PTPRT: variants seen among roughly 807,000 people sequenced by gnomAD.
PTPRT encodes protein tyrosine phosphatase receptor type T, also known as receptor-type tyrosine-protein phosphatase T.
PTPRT carries 56 observed loss-of-function variants against 176.8 expected under a neutral mutation model. The observed-to-expected ratio is 0.32, with a 90% CI of 0.26 to 0.40. The LOEUF (loss-of-function observed/expected upper bound fraction) is 0.40, where lower values mean the gene tolerates loss of function less well. Ranked by LOEUF, PTPRT falls within the 10% of genes least tolerant of loss-of-function variation. PTPRT has a pLI of 1.00. For synonymous variants in PTPRT, 783 were observed against 739.0 expected, an observed-to-expected ratio of 1.06 and a Z score of -0.96; for missense variants, 1,540 against 1,908.2, an observed-to-expected ratio of 0.81 and a Z score of 3.60.
At chr20:42,363,090 CAAGACTCCATTTCAGAA>C in intron 9 of PTPRT, among the ~76,000 whole-genome samples, 1 of 91,910 alleles carries the variant, frequency 1.1e-5, no homozygotes, top group Non-Finnish European at 1.9e-5. Flanking sequence ...GGCGACAGAG[CAAGACTCCATTTCAGAA>C]AAAAAAAAAA....
At chr20:42,647,282 C>G (rs2074928150) in intron 7 of PTPRT, among the ~76,000 whole-genome samples, 1 of 152,044 alleles carries the variant, frequency 6.6e-6, no homozygotes, top group African/African-American at 2.4e-5. Context: ...GTGTGGGCTA[C>G]TAAGACACAG....
chr20:42,422,409 C>A (rs191296783), intron 9 of PTPRT, among the ~76,000 whole-genome samples: 1 of 152,254 alleles, frequency 6.6e-6, no homozygotes, highest in Non-Finnish European at 1.5e-5. Context: ...AGACACTTTT[C>A]AAAAGAAGAC....
intron 15 of PTPRT, among the ~76,000 whole-genome samples, chr20:42,210,805 C>T (rs921485107): frequency 5.7e-4 from 86 of 152,154 alleles, no homozygotes; most frequent in Non-Finnish European, 2.9e-4. Flanking sequence ...CTTTAAAATT[C>T]ATATGGAACC....
At chr20:42,071,179 C>A (rs1391387975), downstream of PTPRT, among the ~76,000 whole-genome samples, 1 of 152,160 alleles carries the variant, frequency 6.6e-6, no homozygotes, top group East Asian at 1.9e-4. Context: ...ACAAGGTGAA[C>A]CCTGCGCTCC....
At chr20:43,156,633 C>A (rs2014530722) in intron 1 of PTPRT, among the ~76,000 whole-genome samples, 1 of 152,148 alleles carries the variant, frequency 6.6e-6, no homozygotes, top group South Asian at 2.1e-4. Context: ...TTACAATGGA[C>A]AAAGAGAGTG....
chr20:42,635,799 G>T (rs2074584271), intron 7 of PTPRT, among the ~76,000 whole-genome samples: 1 of 152,084 alleles, frequency 6.6e-6, no homozygotes, highest in African/African-American at 2.4e-5. Flanking sequence ...CTAGTTGGTA[G>T]AACGAGATCC....
intron 1 of PTPRT, among the ~76,000 whole-genome samples, chr20:42,977,353 A>G (rs1308718513): frequency 6.6e-6 from 1 of 152,220 alleles, no homozygotes; most frequent in Non-Finnish European, 1.5e-5. Context: ...TGCAAAGCTC[A>G]AATTTAAACT....
At chr20:43,151,967 TC>T (rs1180264142) in intron 1 of PTPRT, among the ~76,000 whole-genome samples, 6 of 152,154 alleles carry the variant, frequency 3.9e-5, no homozygotes, top group African/African-American at 1.4e-4. Flanking sequence ...CAGGAAGCCC[TC>T]CTGATAAAGC....
rs376873842 is a variant in PTPRT, at chr20:42,560,261, G to T, written c.1154-87699C>A. Among the ~76,000 whole-genome samples, 464 of 152,272 alleles carry T rather than the reference G, an allele frequency of 3.0e-3. 19 individuals are homozygous for T. The South Asian group carries it at 0.091, about 30-fold the overall frequency. On this transcript the variant is annotated intron_variant, in intron 7 of 30. Coordinates refer to ENST00000373187, the MANE Select transcript of PTPRT (RefSeq NM_007050.6). The stretch of plus-strand genomic sequence containing the variant: ...TATATTCAGCCAATAGGAGGTACAG[G>T]CATGGGATTGGAGAATAGGAGGATG...
At chr20:43,067,568 T>C (rs1220631473) in intron 1 of PTPRT, among the ~76,000 whole-genome samples, 2 of 152,118 alleles carry the variant, frequency 1.3e-5, no homozygotes, top group East Asian at 3.9e-4. Context: ...AGAGGAGTGA[T>C]ATGATCTGAG....
chr20:42,399,929 G>A (rs903388343), intron 9 of PTPRT, among the ~76,000 whole-genome samples: 1 of 152,104 alleles, frequency 6.6e-6, no homozygotes, highest in East Asian at 1.9e-4. Flanking sequence ...GTAAATTGAG[G>A]GTGGCCTGTA....
intron 1 of PTPRT, among the ~76,000 whole-genome samples, chr20:43,052,224 A>G (rs1264239002): frequency 6.6e-6 from 1 of 152,238 alleles, no homozygotes. Context: ...CTTGGCAGGA[A>G]ACACAGCAAC....
At chr20:42,702,740 G>A (rs2075992830) in intron 6 of PTPRT, among the ~76,000 whole-genome samples, 1 of 152,186 alleles carries the variant, frequency 6.6e-6, no homozygotes. Flanking sequence ...CAGAGGCCAA[G>A]AGGTAGCAAG....
intron 1 of PTPRT, among the ~76,000 whole-genome samples, chr20:43,044,383 C>T (rs890757726): frequency 6.6e-6 from 1 of 152,110 alleles, no homozygotes; most frequent in African/African-American, 2.4e-5. Flanking sequence ...CAGTTTCCCC[C>T]TCTCCAGGAA....
rs1246950792 is a variant in PTPRT, at chr20:42,780,246, G to A, written c.540C>T (p.Asp180=). The change falls in exon 4 of 31, where the codon GAC becomes GAT. Residue 180 remains aspartate (D), a synonymous_variant. Transcript: ENST00000373187. ...LKGHPGYIAV[D]EVRVLAHPCR... is the part of the protein sequence containing the mutation. ...ATGGATGAGCAAGGACCCGGACCTCGTCCACGGCGATGTAGCCAGGATGAC... is the reference window on the plus strand; with the variant it reads ...ATGGATGAGCAAGGACCCGGACCTCATCCACGGCGATGTAGCCAGGATGAC... The A allele has an allele frequency of 1.5e-5, 25 of 1,613,906 alleles. No homozygotes were observed. Among genetic ancestry groups the A allele is most frequent in the South Asian group, 3.3e-5 (3 of 91,078 alleles).
intron 14 of PTPRT, among the ~76,000 whole-genome samples, chr20:42,239,419 T>C (rs2056308894): frequency 7.5e-6 from 1 of 133,402 alleles, no homozygotes; most frequent in Non-Finnish European, 1.6e-5. Context: ...CTTTCTTTTT[T>C]TTTTTTTTTT....
chr20:42,345,563 T>C (rs6102789), intron 11 of PTPRT, among the ~76,000 whole-genome samples: 95,317 of 140,632 alleles, frequency 0.68, 32,161 homozygotes, highest in East Asian at 0.88. Flanking sequence ...CACACACACA[T>C]ATATATACAT....
At chr20:42,316,130 G>A (rs2057718392) in intron 11 of PTPRT, 134 bp from the exon 12 acceptor site, 1 of 1,014,160 alleles carries the variant, frequency 9.9e-7, no homozygotes, top group Non-Finnish European at 1.4e-6. Context: ...CCAGTCCTGA[G>A]CATCAGATTT....
At position 42,352,378 on chromosome 20, in the gene PTPRT, G is replaced by A. The variant is rs915842804; in HGVS notation, c.1561-93C>T. ...TTAGAGGAACCTTAGGGAGGCGGGG[G>A]AAGGGGCAGGCATGTGAACTTGGCC... On this transcript the variant is annotated intron_variant, in intron 9 of 30. Transcript: ENST00000373187. The A allele has an allele frequency of 4.0e-6, 5 of 1,263,080 alleles. No homozygotes were observed. In the African/African-American group the frequency reaches 5.9e-5, roughly 15 times the overall value. The allele number at this position is 1,263,080 out of a possible 1,614,324, so 78.2% of individuals were successfully genotyped here. A position where few individuals can be genotyped will look rare whatever the true frequency, so the allele number is the denominator to read the frequency against.
Sources: allele counts gnomAD v4.1 joint callset (sites outside exome capture counted in the v4.1 genomes callset), GRCh38; gene constraint gnomAD v4.1.1; transcripts MANE v1.5; gene names NCBI Gene and HGNC (gene_info 2026-07-23, HGNC 2026-07-21).